Variants in DYNLT1 observed in about 807,000 individuals in gnomAD.
DYNLT1 encodes dynein light chain Tctex-type 1, also known as T-complex testis-specific protein 1 homolog.
DYNLT1 carries 18 observed loss-of-function variants against 19.6 expected under a neutral mutation model. That is an observed-to-expected ratio of 0.92 (90% CI 0.64 to 1.36). DYNLT1 has a LOEUF of 1.36. DYNLT1 is among the 40% of genes most tolerant of loss of function. The pLI is 0.00. For missense variants in DYNLT1, 137 were observed against 139.3 expected (o/e 0.98, Z 0.08); for synonymous variants, 56 against 44.0 (o/e 1.27, Z -1.07).
rs547264035 is a variant in DYNLT1, at chr6:158,643,310, C to T, written c.27+1372G>A. Among the ~76,000 whole-genome samples the T allele has an allele frequency of 1.1e-4, 17 of 152,298 alleles. No individual in the cohort carries two copies. In the South Asian group the frequency reaches 3.5e-3, roughly 32 times the overall value. On this transcript the variant is annotated intron_variant, in intron 1 of 4. Coordinates refer to ENST00000367089, the MANE Select transcript of DYNLT1 (RefSeq NM_006519.4). ...TTTGCCAACTGCTCCTGAACCAGCT[C>T]TTCTCGTCATTATTCACTTGGTTGC...
intron 1 of DYNLT1, 149 bp downstream of exon 1, chr6:158,644,533 C>G: frequency 1.1e-6 from 1 of 881,382 alleles, no homozygotes; most frequent in Non-Finnish European, 1.7e-6. Context: ...CCGGGCGGAG[C>G]GCCGGCGACC....
At chr6:158,637,474 A>C in intron 3 of DYNLT1, 1 of 616,160 alleles carries the variant, frequency 1.6e-6, no homozygotes, top group East Asian at 2.9e-5. Flanking sequence ...ATCAAAGTTG[A>C]AAAATTCTAA....
intron 4 of DYNLT1, 72 bp downstream of exon 4, chr6:158,637,056 A>T: frequency 3.1e-6 from 5 of 1,590,930 alleles, no homozygotes; most frequent in Non-Finnish European, 4.3e-6. Context: ...CATGCATTGC[A>T]TTCAAAGATA....
intron 1 of DYNLT1, among the ~76,000 whole-genome samples, chr6:158,643,486 T>C (rs1185649749): frequency 6.6e-6 from 1 of 152,224 alleles, no homozygotes; most frequent in East Asian, 1.9e-4. Context: ...TTTTTTCTTT[T>C]TTTTTGGTTT....
At position 158,637,056 on chromosome 6, in the gene DYNLT1, A is replaced by G. The variant is rs1057303139; in HGVS notation, c.271+72T>C. 2.5e-6 allele frequency: 4 copies of G among 1,590,812 alleles called. No individual in the cohort carries two copies. In the African/African-American group the frequency reaches 5.4e-5, roughly 21 times the overall value. Reference sequence around the variant, plus strand: ...TTAAAAGGTGATAAACATGCATTGCATTCAAAGATAGGAAACTTCCAGTCA... The same window carrying G: ...TTAAAAGGTGATAAACATGCATTGCGTTCAAAGATAGGAAACTTCCAGTCA... On this transcript the variant is annotated intron_variant, in intron 4 of 4. Transcript: ENST00000367089.
intron 1 of DYNLT1, 26 bp downstream of exon 1, chr6:158,644,656 C>G: frequency 6.2e-7 from 1 of 1,611,668 alleles, no homozygotes; most frequent in Non-Finnish European, 8.5e-7. Flanking sequence ...AGGCCTCCAC[C>G]CTTCCGTCGC....
At chr6:158,637,619 C>T in intron 3 of DYNLT1, 152 bp downstream of exon 3, 10 of 1,167,828 alleles carry the variant, frequency 8.6e-6, no homozygotes, top group South Asian at 7.7e-5. Flanking sequence ...AATGGTCAAG[C>T]GTACGCTAAC....
intron 3 of DYNLT1, 188 bp downstream of exon 3, chr6:158,637,583 A>T: frequency 1.2e-6 from 1 of 825,714 alleles, no homozygotes; most frequent in Non-Finnish European, 2.0e-6. Flanking sequence ...CGCTTCACAT[A>T]CGATCTGCAA....
Position 158,644,695 on chromosome 6 carries a change from T to C in DYNLT1, c.14A>G (p.Gln5Arg), listed in dbSNP as rs761660560. MEDY[Q>R]AAEETAFVVD... is the part of the protein sequence containing the mutation. ...CCCGGCGGTTACCTCCTCCGCAGCC[T>C]GGTAGTCTTCCATCTTTCCTCCGGC... is the stretch of plus-strand genomic sequence containing the variant. Residue 5 changes from glutamine (Q) to arginine (R), a missense_variant, in exon 1 of 5, where the codon CAG becomes CGG. Gln to Arg is a conservative substitution (Grantham distance 43, BLOSUM62 1). Coordinates refer to ENST00000367089, the MANE Select transcript of DYNLT1 (RefSeq NM_006519.4). 1.1e-5 allele frequency: 18 copies of C among 1,611,920 alleles called. No homozygotes were observed. Among genetic ancestry groups the C allele is most frequent in the South Asian group, 1.1e-5 (1 of 91,086 alleles).
At chr6:158,639,797 C>T (rs1231256633) in intron 2 of DYNLT1, among the ~76,000 whole-genome samples, 2 of 152,186 alleles carry the variant, frequency 1.3e-5, no homozygotes, top group South Asian at 2.1e-4. Flanking sequence ...TCTCCTGCCT[C>T]AGCCTCCCAA....
At chr6:158,637,741 G>C in intron 3 of DYNLT1, 30 bp downstream of exon 3, 3 of 1,613,924 alleles carry the variant, frequency 1.9e-6, no homozygotes, top group South Asian at 2.2e-5. Context: ...AAACCATCCC[G>C]CAAATATAAA....
chr6:158,642,792 T>C (rs532420861), intron 1 of DYNLT1: 1 of 152,134 alleles, frequency 6.6e-6, no homozygotes, highest in African/African-American at 2.4e-5. Context: ...ACGAAAAAGG[T>C]TGAGGGACAT....
At chr6:158,644,247 G>A (rs1787267987) in intron 1 of DYNLT1, among the ~76,000 whole-genome samples, 1 of 151,844 alleles carries the variant, frequency 6.6e-6, no homozygotes, top group Non-Finnish European at 1.5e-5. Flanking sequence ...GCGGGGAGAC[G>A]TCCAAGCCTC....
At chr6:158,636,988 CTA>C (rs1172610777) in intron 4 of DYNLT1, 91 bp from the exon 5 acceptor site, 16 of 1,543,174 alleles carry the variant, frequency 1.0e-5, no homozygotes, top group Admixed American at 5.4e-5. Context: ...GTACCCATCT[CTA>C]TGCTACACAA....
chr6:158,641,228 G>C (rs549496968), intron 2 of DYNLT1, 91 bp downstream of exon 2: 1 of 1,244,552 alleles, frequency 8.0e-7, no homozygotes, highest in Non-Finnish European at 1.1e-6. Context: ...CACAGACTCA[G>C]TCGAAACAAT....
At chr6:158,637,629 C>T (rs1040638784) in intron 3 of DYNLT1, 142 bp downstream of exon 3, 141 of 1,309,454 alleles carry the variant, frequency 1.1e-4, no homozygotes, top group Non-Finnish European at 1.3e-4. Context: ...CGTACGCTAA[C>T]GTATACTACA....
intron 3 of DYNLT1, 138 bp downstream of exon 3, chr6:158,637,633 T>C (rs1425450645): frequency 1.5e-6 from 2 of 1,346,002 alleles, no homozygotes; most frequent in East Asian, 2.3e-5. Flanking sequence ...CGCTAACGTA[T>C]ACTACACACA....
chr6:158,639,661 T>C (rs957110842), intron 2 of DYNLT1, among the ~76,000 whole-genome samples: 2 of 152,098 alleles, frequency 1.3e-5, no homozygotes, highest in Admixed American at 6.5e-5. Flanking sequence ...CATGTTTCCA[T>C]GTGGATTGGA....
At chr6:158,644,139 G>A (rs923249611) in intron 1 of DYNLT1, among the ~76,000 whole-genome samples, 21 of 152,078 alleles carry the variant, frequency 1.4e-4, no homozygotes, top group Middle Eastern at 6.9e-3. Context: ...CATTCCCAGC[G>A]TTGCAGAACC....
Sources: gnomAD v4.1 joint callset for allele counts (sites outside exome capture counted in the v4.1 genomes callset) on GRCh38, gnomAD v4.1.1 for gene constraint, MANE v1.5 for transcripts, NCBI Gene and HGNC (gene_info 2026-07-23, HGNC 2026-07-21) for gene names.